DCDC1: variants seen among roughly 807,000 people sequenced by gnomAD.
The protein encoded by DCDC1 is doublecortin domain-containing protein 1.
In DCDC1, 200 loss-of-function variants were observed where a neutral mutation model predicts 178.3. That is an observed-to-expected ratio of 1.12 (90% CI 1.00 to 1.26). The LOEUF is 1.26. Among genes scored for constraint, DCDC1 ranks in the 50% most tolerant of loss-of-function variants. DCDC1 has a pLI of 0.00. For synonymous variants in DCDC1, 690 were observed against 604.8 expected (o/e 1.14, Z -2.07); for missense variants, 1,983 against 1,749.2 (o/e 1.13, Z -2.38).
intron 1 of DCDC1, among the ~76,000 whole-genome samples, chr11:31,346,592 A>G (rs181316348): frequency 7.9e-5 from 12 of 152,310 alleles, no homozygotes; most frequent in African/African-American, 2.9e-4. Flanking sequence ...ACACATGAAT[A>G]TATACTGCTT....
chr11:31,010,425 G>A (rs1952103821), intron 20 of DCDC1, among the ~76,000 whole-genome samples: 2 of 152,300 alleles, frequency 1.3e-5, no homozygotes, highest in South Asian at 2.1e-4. Flanking sequence ...TGACCTCTCC[G>A]CAGGCAGTTC....
intron 20 of DCDC1, among the ~76,000 whole-genome samples, chr11:31,061,903 C>A (rs987712357): frequency 2.6e-5 from 4 of 152,024 alleles, no homozygotes; most frequent in Admixed American, 2.6e-4. Context: ...TCTTTTTTGG[C>A]GTCACTTTTT....
At chr11:31,091,591 G>A in intron 16 of DCDC1, 80 bp from the exon 17 acceptor site, 1 of 685,734 alleles carries the variant, frequency 1.5e-6, no homozygotes, top group Non-Finnish European at 2.7e-6. Flanking sequence ...CACAAATAGT[G>A]AGGTCATTAT....
chr11:31,354,711 T>C (rs934345410), intron 1 of DCDC1, among the ~76,000 whole-genome samples: 5 of 151,948 alleles, frequency 3.3e-5, no homozygotes, highest in African/African-American at 1.2e-4. Flanking sequence ...TAGGGAAAAA[T>C]GATTTAGGAA....
At chr11:31,363,714 C>T (rs185892830) in intron 1 of DCDC1, among the ~76,000 whole-genome samples, 1 of 152,190 alleles carries the variant, frequency 6.6e-6, no homozygotes, top group East Asian at 1.9e-4. Context: ...ACATTTTAAC[C>T]CACAAATTAA....
chr11:30,960,265 A>T (rs1949019597), intron 20 of DCDC1, among the ~76,000 whole-genome samples: 1 of 152,142 alleles, frequency 6.6e-6, no homozygotes, highest in Non-Finnish European at 1.5e-5. Context: ...ACAGTTTTTC[A>T]TTATCTGGTT....
intron 38 of DCDC1, among the ~76,000 whole-genome samples, chr11:30,871,610 C>T (rs978037286): frequency 6.6e-6 from 1 of 152,028 alleles, no homozygotes; most frequent in African/African-American, 2.4e-5. Flanking sequence ...GATATTATTC[C>T]AGCTTGATAT....
chr11:31,341,649 T>G (rs1950554511), intron 1 of DCDC1, among the ~76,000 whole-genome samples: 1 of 152,160 alleles, frequency 6.6e-6, no homozygotes, highest in Non-Finnish European at 1.5e-5. Flanking sequence ...ATAGTAAGTA[T>G]TTGTGTATCT....
intron 38 of DCDC1, among the ~76,000 whole-genome samples, chr11:30,870,878 T>G (rs1390605996): frequency 6.6e-6 from 1 of 152,322 alleles, no homozygotes; most frequent in Middle Eastern, 3.4e-3. Flanking sequence ...TAGCTGATTC[T>G]ATTGCTAATT....
At position 31,064,497 on chromosome 11, in the gene DCDC1, C is replaced by T. The variant is rs1211244321; in HGVS notation, c.2563G>A (p.Glu855Lys). The T allele has an allele frequency of 1.3e-6, 1 of 765,730 alleles. No homozygotes were observed. Among genetic ancestry groups the T allele is most frequent in the Non-Finnish European group, 2.4e-6 (1 of 417,484 alleles). The allele number at this position is 765,730 out of a possible 1,614,324, so 47.4% of individuals were successfully genotyped here. ...LTVALVRKLE[E>K]KHPKASAQRW... ...TGAGCAGAAGCCTTAGGATGTTTCT[C>T]TTCCAGTTTCCTCACCAGTGCTACT... is the stretch of plus-strand genomic sequence containing the variant. The change falls in exon 20 of 39, where the codon GAG (glutamate) becomes AAG (lysine). Residue 855 changes from glutamate to lysine, a missense_variant. Coordinates refer to ENST00000684477, the MANE Select transcript of DCDC1 (RefSeq NM_001387274.1).
intron 20 of DCDC1, among the ~76,000 whole-genome samples, chr11:30,961,342 G>A (rs569769978): frequency 1.3e-4 from 20 of 152,110 alleles, no homozygotes; most frequent in Admixed American, 5.2e-4. Flanking sequence ...TTTCCAATAA[G>A]GTAATGAACA....
At chr11:31,031,566 G>A (rs1463351623) in intron 20 of DCDC1, among the ~76,000 whole-genome samples, 1 of 151,968 alleles carries the variant, frequency 6.6e-6, no homozygotes, top group Non-Finnish European at 1.5e-5. Flanking sequence ...ACTACTTATT[G>A]TGGAAAAGTG....
intron 20 of DCDC1, among the ~76,000 whole-genome samples, chr11:30,975,416 AGAG>A (rs1011107462): frequency 3.6e-4 from 55 of 152,238 alleles, no homozygotes; most frequent in African/African-American, 1.2e-3. Flanking sequence ...AAATTGGAAA[AGAG>A]GATGTCAAAC....
chr11:30,991,456 GA>G (rs1295041879), intron 20 of DCDC1, among the ~76,000 whole-genome samples: 2 of 152,154 alleles, frequency 1.3e-5, no homozygotes, highest in African/African-American at 2.4e-5. Context: ...TATTGGTGCT[GA>G]AAATTAGTAA....
intron 36 of DCDC1, chr11:30,882,705 C>T (rs1353539655): frequency 1.3e-5 from 2 of 152,076 alleles, no homozygotes; most frequent in Non-Finnish European, 2.9e-5. Flanking sequence ...CAAAAGATCT[C>T]TCCTTGTACA....
chr11:31,157,295 G>A (rs1209561019), intron 9 of DCDC1, among the ~76,000 whole-genome samples: 1 of 148,890 alleles, frequency 6.7e-6, no homozygotes, highest in African/African-American at 2.5e-5. Context: ...CAAGGCTGAA[G>A]TGGGAGGATC....
intron 21 of DCDC1, among the ~76,000 whole-genome samples, chr11:30,938,852 C>T (rs148148359): frequency 0.013 from 1,921 of 152,260 alleles, 41 homozygotes; most frequent in African/African-American, 0.044. Context: ...GAGGGGGCCA[C>T]GTTGGCTCCC....
At chr11:31,216,691 A>C (rs1245764350) in intron 9 of DCDC1, among the ~76,000 whole-genome samples, 1 of 152,184 alleles carries the variant, frequency 6.6e-6, no homozygotes, top group Admixed American at 6.5e-5. Context: ...CCCAATGCTT[A>C]CCTCATAGAT....
intron 32 of DCDC1, among the ~76,000 whole-genome samples, chr11:30,901,916 A>C (rs1255143237): frequency 6.6e-6 from 1 of 152,164 alleles, no homozygotes; most frequent in African/African-American, 2.4e-5. Flanking sequence ...TGTTTGGTAA[A>C]TATCAACCAG....
Sources: gnomAD v4.1 joint callset for allele counts (sites outside exome capture counted in the v4.1 genomes callset) on GRCh38, gnomAD v4.1.1 for gene constraint, MANE v1.5 for transcripts, NCBI Gene and HGNC (gene_info 2026-07-23, HGNC 2026-07-21) for gene names.